LRCH1: variants seen among roughly 807,000 people sequenced by gnomAD.
The protein encoded by LRCH1 is leucine-rich repeat and calponin homology domain-containing protein 1.
Under a neutral mutation model 94.9 loss-of-function variants are expected in LRCH1, and 23 were observed. The observed-to-expected ratio is 0.24, with a 90% confidence interval of 0.17 to 0.34. LRCH1 has a LOEUF of 0.34. Ranked by LOEUF, LRCH1 falls within the 10% of genes least tolerant of loss-of-function variation. The probability of loss-of-function intolerance (pLI) is 1.00; values close to 1 mark genes in which losing one functional copy is unlikely to be tolerated. For synonymous variants in LRCH1, 364 were observed against 354.9 expected (o/e 1.03, Z -0.29); for missense variants, 790 against 945.9 (o/e 0.84, Z 2.16).
intron 16 of LRCH1, among the ~76,000 whole-genome samples, chr13:46,719,466 C>T (rs1206888592): frequency 6.6e-6 from 1 of 152,114 alleles, no homozygotes; most frequent in South Asian, 2.1e-4. Context: ...GGGAGAGACA[C>T]AGATAAAAGA....
At chr13:46,679,514 C>T (rs919007541) in intron 3 of LRCH1, among the ~76,000 whole-genome samples, 1 of 152,222 alleles carries the variant, frequency 6.6e-6, no homozygotes, top group Non-Finnish European at 1.5e-5. Flanking sequence ...AACACGATCT[C>T]TGGACCTCCT....
intron 1 of LRCH1, among the ~76,000 whole-genome samples, chr13:46,637,302 C>T (rs977436945): frequency 1.3e-5 from 2 of 152,210 alleles, no homozygotes; most frequent in African/African-American, 4.8e-5. Context: ...TCCCTGGCCT[C>T]CCTGCCTGCC....
intron 3 of LRCH1, among the ~76,000 whole-genome samples, chr13:46,677,197 G>C (rs1324896557): frequency 6.7e-6 from 1 of 150,066 alleles, no homozygotes; most frequent in Non-Finnish European, 1.5e-5. Context: ...ATCACCTGAG[G>C]TCAGGAGTTC....
At chr13:46,657,523 T>C (rs1353045004) in intron 2 of LRCH1, among the ~76,000 whole-genome samples, 5 of 66,532 alleles carry the variant, frequency 7.5e-5, no homozygotes, top group East Asian at 8.6e-4. Context: ...TTTTTTTTTT[T>C]TTTTTTTTTT....
chr13:46,601,611 A>G (rs1212290475), intron 1 of LRCH1, among the ~76,000 whole-genome samples: 1 of 152,212 alleles, frequency 6.6e-6, no homozygotes, highest in Non-Finnish European at 1.5e-5. Context: ...GGTGGGGCTC[A>G]GCTCCCTCTG....
intron 18 of LRCH1, among the ~76,000 whole-genome samples, chr13:46,732,128 G>A (rs1477818047): frequency 6.6e-6 from 1 of 152,196 alleles, no homozygotes; most frequent in African/African-American, 2.4e-5. Flanking sequence ...TCTGCCAGCA[G>A]CAGTGGATGA....
chr13:46,647,801 T>G (rs567307232), intron 1 of LRCH1, among the ~76,000 whole-genome samples: 21 of 151,922 alleles, frequency 1.4e-4, no homozygotes, highest in African/African-American at 4.8e-4. Context: ...CATCTTTTTT[T>G]TTTTTTTTTT....
chr13:46,661,820 A>G (rs2051452740), intron 2 of LRCH1, among the ~76,000 whole-genome samples: 1 of 152,200 alleles, frequency 6.6e-6, no homozygotes, highest in Non-Finnish European at 1.5e-5. Flanking sequence ...TTATTACCTT[A>G]ATGTCCCTAG....
At chr13:46,659,457 T>C (rs972373591) in intron 2 of LRCH1, among the ~76,000 whole-genome samples, 3 of 152,250 alleles carry the variant, frequency 2.0e-5, no homozygotes, top group Non-Finnish European at 4.4e-5. Context: ...TCTCCCAAAG[T>C]GCTAGGACTG....
intron 2 of LRCH1, among the ~76,000 whole-genome samples, chr13:46,662,538 AAAGCAGTGG>A (rs1478418847): frequency 1.3e-5 from 2 of 152,226 alleles, no homozygotes; most frequent in African/African-American, 4.8e-5. Flanking sequence ...GAGGAAATTT[AAAGCAGTGG>A]TTTTTAGAGC....
At chr13:46,652,386 G>GT (rs796863988) in intron 2 of LRCH1, among the ~76,000 whole-genome samples, 97 of 66,064 alleles carry the variant, frequency 1.5e-3, no homozygotes, top group South Asian at 0.012. Flanking sequence ...AAGTGTATTT[G>GT]TTTTTTTTGT....
chr13:46,647,853 G>T (rs2051242574), intron 1 of LRCH1, among the ~76,000 whole-genome samples: 1 of 134,346 alleles, frequency 7.4e-6, no homozygotes, highest in African/African-American at 2.8e-5. Flanking sequence ...TACTGGCCTT[G>T]TGTCTTTTCC....
Position 46,573,868 on chromosome 13 carries a change from T to TA in LRCH1, c.307+20165_307+20166insA, listed in dbSNP as rs1374087114. 6.6e-3 allele frequency among the ~76,000 whole-genome samples: 268 copies of TA among 40,436 alleles called. 4 individuals are homozygous for TA. The highest frequency in any genetic ancestry group is 0.02 in the Middle Eastern group (2 of 98). 26.5% of individuals were successfully genotyped at this position (40,436 alleles called of 152,430 possible). ...CAAATATATATATATATATATATAT[T>TA]TTTTTTTTTTTTGAGATGGAGTCTT... On this transcript the variant is annotated intron_variant, in intron 1 of 19. Transcript: ENST00000389797.
At chr13:46,642,528 G>C (rs1257703607) in intron 1 of LRCH1, among the ~76,000 whole-genome samples, 1 of 152,222 alleles carries the variant, frequency 6.6e-6, no homozygotes, top group East Asian at 1.9e-4. Flanking sequence ...TTTCTGTGAT[G>C]ATGGACAACT....
At chr13:46,705,513 T>C in intron 13 of LRCH1, 1 of 692,844 alleles carries the variant, frequency 1.4e-6, no homozygotes, top group East Asian at 2.7e-5. Flanking sequence ...CTGTTGAAGA[T>C]GAGAGTTGGC....
intron 17 of LRCH1, 44 bp from the exon 18 acceptor site, chr13:46,728,803 C>G: frequency 6.4e-7 from 1 of 1,550,480 alleles, no homozygotes; most frequent in Non-Finnish European, 8.8e-7. Context: ...TCACAGTTAC[C>G]TCAGTGTTCA....
chr13:46,675,290 T>G (rs996145575), intron 3 of LRCH1, among the ~76,000 whole-genome samples: 3 of 152,202 alleles, frequency 2.0e-5, no homozygotes, highest in African/African-American at 7.2e-5. Context: ...ATGGGGCATT[T>G]GCCAAAGAAG....
At chr13:46,575,100 T>C (rs2050288697) in intron 1 of LRCH1, among the ~76,000 whole-genome samples, 1 of 152,152 alleles carries the variant, frequency 6.6e-6, no homozygotes, top group Non-Finnish European at 1.5e-5. Context: ...CCATCATCTT[T>C]TAATAGGCAG....
At chr13:46,722,275 C>T (rs970553410) in intron 16 of LRCH1, among the ~76,000 whole-genome samples, 9 of 152,092 alleles carry the variant, frequency 5.9e-5, no homozygotes, top group African/African-American at 2.2e-4. Context: ...TCCCTCCCTA[C>T]CTCAATCTGA....
Sources: allele counts gnomAD v4.1 joint callset (sites outside exome capture counted in the v4.1 genomes callset), GRCh38; gene constraint gnomAD v4.1.1; transcripts MANE v1.5; gene names NCBI Gene and HGNC (gene_info 2026-07-23, HGNC 2026-07-21).